ZNF362: variants seen among roughly 807,000 people sequenced by gnomAD.
ZNF362 encodes rotund homolog.
ZNF362 carries 11 observed loss-of-function variants against 42.9 expected under a neutral mutation model. That is an observed-to-expected ratio of 0.26 (90% CI 0.16 to 0.42). The LOEUF (loss-of-function observed/expected upper bound fraction) is 0.42, where lower values mean the gene tolerates loss of function less well. ZNF362 is among the 20% of genes least tolerant of loss of function. The probability of loss-of-function intolerance (pLI) is 1.00; values close to 1 mark genes in which losing one functional copy is unlikely to be tolerated. For synonymous variants in ZNF362, 255 were observed against 257.3 expected (o/e 0.99, Z 0.09); for missense variants, 362 against 576.2 (o/e 0.63, Z 3.81).
chr1:33,179,468 T>A, the ZNF362 span, among the ~76,000 whole-genome samples: 1 of 152,170 alleles, frequency 6.6e-6, no homozygotes, highest in Non-Finnish European at 1.5e-5. Flanking sequence ...AGTAATTATT[T>A]AGTTTCTGTT....
At chr1:33,129,416 C>T in the ZNF362 span, among the ~76,000 whole-genome samples, 1 of 152,192 alleles carries the variant, frequency 6.6e-6, no homozygotes, top group Non-Finnish European at 1.5e-5. The surrounding 1 kb of genome is among the most constrained non-coding windows in gnomAD (Gnocchi z 4.1). Context: ...AGGCGGTACA[C>T]AGACTGTCTT....
At chr1:33,181,529 A>G in the ZNF362 span, 44 of 1,450,670 alleles carry the variant, frequency 3.0e-5, no homozygotes, top group Non-Finnish European at 3.8e-5. The surrounding 1 kb of genome is among the most constrained non-coding windows in gnomAD (Gnocchi z 6.5). Flanking sequence ...GGGCGCGGGG[A>G]CGAGGCCCGC....
the ZNF362 span, among the ~76,000 whole-genome samples, chr1:33,230,952 G>C: frequency 6.6e-6 from 1 of 152,194 alleles, no homozygotes; most frequent in Non-Finnish European, 1.5e-5. Flanking sequence ...GTATCAACAA[G>C]AAGAATGACT....
At chr1:33,210,317 C>T in the ZNF362 span, among the ~76,000 whole-genome samples, 1 of 152,130 alleles carries the variant, frequency 6.6e-6, no homozygotes, top group Non-Finnish European at 1.5e-5. Context: ...TGTTCTTTTA[C>T]ATTTGCTGAG....
At position 33,294,974 on chromosome 1, in the gene ZNF362, C is replaced by A. The variant is rs1646108597; in HGVS notation, c.946C>A (p.Pro316Thr). 1.2e-6 allele frequency: 2 copies of A among 1,614,138 alleles called. No homozygotes were observed. Among genetic ancestry groups the A allele is most frequent in the Non-Finnish European group, 1.7e-6 (2 of 1,180,002 alleles). The change falls in exon 7 of 9, where the codon CCT becomes ACT. Residue 316 changes from proline (P) to threonine (T), a missense_variant. Transcript: ENST00000539719. The surrounding 1 kb of genome is among the most constrained non-coding windows in gnomAD (Gnocchi z 4.2). ...CGACAGACCCTACAAGTGCCCACAT[C>A]CTGGCTGCGAGAAGGCTTTCACTCA... is the stretch of plus-strand genomic sequence containing the variant. Reference protein sequence around the residue: ...TGDRPYKCPHPGCEKAFTQLS... With the variant: ...TGDRPYKCPHTGCEKAFTQLS...
Position 33,298,999 on chromosome 1 carries a change from C to G in ZNF362, c.1216C>G (p.Gln406Glu). The G allele has an allele frequency of 2.5e-6, 4 of 1,613,074 alleles. No individual in the cohort carries two copies. The highest frequency in any genetic ancestry group is 3.4e-6 in the Non-Finnish European group (4 of 1,180,032). The stretch of plus-strand genomic sequence containing the variant: ...GCACCTGGTGAGCCATCACTCGCCC[C>G]AGAGGACGGAGTCCCCCGGCATCCC... ...VEHLVSHHSP[Q>E]RTESPGIPVR... The change falls in exon 9 of 9, where the codon CAG (glutamine) becomes GAG (glutamate). Residue 406 changes from glutamine to glutamate, a missense_variant. By Grantham distance (29) the Gln-to-Glu change is conservative. This residue lies in a region of ZNF362 where 68 missense variants were observed against 107.4 expected (regional missense o/e 0.63). Coordinates refer to ENST00000539719, the MANE Select transcript of ZNF362 (RefSeq NM_152493.3).
At chr1:33,234,338 T>G in the ZNF362 span, among the ~76,000 whole-genome samples, 6 of 152,264 alleles carry the variant, frequency 3.9e-5, no homozygotes, top group South Asian at 2.1e-4. Context: ...CAGCATACAG[T>G]AGGAGCTCAA....
At chr1:33,128,190 C>T in the ZNF362 span, among the ~76,000 whole-genome samples, 1 of 143,148 alleles carries the variant, frequency 7.0e-6, no homozygotes, top group Non-Finnish European at 1.5e-5. Context: ...AATAGTGAAA[C>T]TCCCCACCTC....
At position 33,265,263 on chromosome 1, in the gene ZNF362, G is replaced by A. The variant is rs569668833; in HGVS notation, c.-88-5224G>A. Among the ~76,000 whole-genome samples the A allele has an allele frequency of 4.6e-4, 70 of 151,436 alleles. 1 individual carries two copies. The highest frequency in any genetic ancestry group is 1.5e-3 in the African/African-American group (62 of 41,276). On this transcript the variant is annotated intron_variant, in intron 1 of 8. Transcript: ENST00000539719. ...CTGAGGCTCCCAGAGAGGCTCAACCGCCCTCAGTGTCTCTGGGTAGCTGGA... is the reference window on the plus strand; with the variant it reads ...CTGAGGCTCCCAGAGAGGCTCAACCACCCTCAGTGTCTCTGGGTAGCTGGA...
chr1:33,274,374 A>G (rs900416030), intron 2 of ZNF362, among the ~76,000 whole-genome samples: 1 of 152,232 alleles, frequency 6.6e-6, no homozygotes, highest in African/African-American at 2.4e-5. Flanking sequence ...TGTGCCTGGC[A>G]CAAGAGAGGC....
the ZNF362 span, among the ~76,000 whole-genome samples, chr1:33,193,193 A>G: frequency 6.6e-6 from 1 of 152,200 alleles, no homozygotes; most frequent in Non-Finnish European, 1.5e-5. Flanking sequence ...GGAGCTAGAA[A>G]AGAGCTAGGA....
At chr1:33,214,794 A>G in the ZNF362 span, among the ~76,000 whole-genome samples, 1 of 152,246 alleles carries the variant, frequency 6.6e-6, no homozygotes, top group Non-Finnish European at 1.5e-5. Context: ...AACTACAATG[A>G]GATATCATCT....
chr1:33,226,938 T>C, the ZNF362 span, among the ~76,000 whole-genome samples: 1 of 152,114 alleles, frequency 6.6e-6, no homozygotes, highest in Non-Finnish European at 1.5e-5. Context: ...AACCACATAC[T>C]ATATGGTTTC....
At chr1:33,166,342 C>T in the ZNF362 span, 1 of 152,074 alleles carries the variant, frequency 6.6e-6, no homozygotes, top group African/African-American at 2.4e-5. Context: ...ACCCCCACCC[C>T]CTGCGGTTTG....
intron 6 of ZNF362, among the ~76,000 whole-genome samples, chr1:33,290,523 T>G (rs1424671811): frequency 6.6e-6 from 1 of 152,156 alleles, no homozygotes; most frequent in African/African-American, 2.4e-5. Flanking sequence ...GCAATAAACA[T>G]ACGTGTGCAT....
upstream of ZNF362, among the ~76,000 whole-genome samples, chr1:33,251,989 A>G (rs187084321): frequency 1.9e-3 from 292 of 152,254 alleles, 2 homozygotes; most frequent in African/African-American, 6.7e-3. Flanking sequence ...GTCTTGGCCA[A>G]TGGATGGTGA....
At chr1:33,189,292 G>A in the ZNF362 span, among the ~76,000 whole-genome samples, 2 of 152,052 alleles carry the variant, frequency 1.3e-5, no homozygotes, top group Admixed American at 1.3e-4. Flanking sequence ...GAGGGGAGAG[G>A]TTCCAATGCA....
the ZNF362 span, chr1:33,159,628 C>A: frequency 6.4e-7 from 1 of 1,558,962 alleles, no homozygotes; most frequent in Non-Finnish European, 8.7e-7. This position sits in a 1 kb window ranked among gnomAD's most constrained non-coding sequence, Gnocchi z 4.2. Context: ...ACTCCCACTG[C>A]CCAGCATGGG....
chr1:33,155,185 C>T, the ZNF362 span, among the ~76,000 whole-genome samples: 5 of 151,346 alleles, frequency 3.3e-5, no homozygotes, highest in Non-Finnish European at 5.9e-5. Flanking sequence ...CATTCTCCCA[C>T]CTCAGCCTCC....
Sources: allele counts gnomAD v4.1 joint callset (sites outside exome capture counted in the v4.1 genomes callset), GRCh38; gene constraint gnomAD v4.1.1; regional missense constraint gnomAD v4.1.1; non-coding constraint Gnocchi (gnomAD v3.1); transcripts MANE v1.5; gene names NCBI Gene and HGNC (gene_info 2026-07-23, HGNC 2026-07-21).